Variants in RUNX1T1 observed in about 807,000 individuals in gnomAD.
RUNX1T1 encodes protein CBFA2T1.
RUNX1T1 carries 4 observed loss-of-function variants against 62.8 expected under a neutral mutation model. That is an observed-to-expected ratio of 0.06 (90% CI 0.03 to 0.15). The LOEUF (loss-of-function observed/expected upper bound fraction) is 0.15, where lower values mean the gene tolerates loss of function less well. Ranked by LOEUF, RUNX1T1 falls within the 10% of genes least tolerant of loss-of-function variation. The pLI is 1.00. For synonymous variants in RUNX1T1, 291 were observed against 286.0 expected (o/e 1.02, Z -0.18); for missense variants, 508 against 754.3 (o/e 0.67, Z 3.82).
chr8:92,101,480 C>G (rs1374185610), upstream of RUNX1T1, among the ~76,000 whole-genome samples: 1 of 152,106 alleles, frequency 6.6e-6, no homozygotes, highest in Non-Finnish European at 1.5e-5. Context: ...CTTAAAGCGA[C>G]CTTCTGCAGA....
intron 1 of RUNX1T1, chr8:92,017,698 G>A (rs1823289935): frequency 8.5e-7 from 1 of 1,180,774 alleles, no homozygotes; most frequent in Non-Finnish European, 1.1e-6. Flanking sequence ...GAAAATAGAT[G>A]AGGAAGTGGG....
intron 9 of RUNX1T1, among the ~76,000 whole-genome samples, chr8:91,973,820 C>T (rs535388026): frequency 6.6e-6 from 1 of 152,108 alleles, no homozygotes; most frequent in Non-Finnish European, 1.5e-5. Flanking sequence ...ATGAAACTAT[C>T]ATCCATACTT....
intron 1 of RUNX1T1, among the ~76,000 whole-genome samples, chr8:92,087,247 G>A (rs1489127526): frequency 1.3e-5 from 2 of 152,162 alleles, no homozygotes; most frequent in Non-Finnish European, 2.9e-5. Context: ...GAATTCAGAA[G>A]TTGAAGCTTA....
At chr8:92,058,976 T>G (rs1831474513) in intron 1 of RUNX1T1, among the ~76,000 whole-genome samples, 1 of 152,186 alleles carries the variant, frequency 6.6e-6, no homozygotes, top group African/African-American at 2.4e-5. Context: ...GAAGATGGCC[T>G]GTGAAAGTTT....
In RUNX1T1 at chr8:91,983,029, G is replaced by C. The variant is rs143748500; in HGVS notation, c.1198+3095C>G. On this transcript the variant is annotated intron_variant, in intron 8 of 10. Coordinates refer to ENST00000396218, the Ensembl canonical transcript of RUNX1T1. Reference sequence around the variant, plus strand: ...TGCAACCTCTGCCTCCCAGGTTCAGGTGACTCTCCTGCCTCAGCCTCCCGA... The same window carrying C: ...TGCAACCTCTGCCTCCCAGGTTCAGCTGACTCTCCTGCCTCAGCCTCCCGA... Among the ~76,000 whole-genome samples the C allele has an allele frequency of 7.7e-3, 1,133 of 146,938 alleles. 17 individuals carry two copies. The highest frequency in any genetic ancestry group is 0.027 in the African/African-American group (1,066 of 39,788).
chr8:92,054,125 GAAA>G (rs201817398), intron 1 of RUNX1T1, among the ~76,000 whole-genome samples: 1 of 126,230 alleles, frequency 7.9e-6, no homozygotes. Context: ...TTAGTACCTG[GAAA>G]AAAAAAAAAA....
chr8:92,103,064 G>T, upstream of RUNX1T1: 1 of 514,860 alleles, frequency 1.9e-6, no homozygotes, highest in East Asian at 3.6e-5. Flanking sequence ...GCCGCCCGGC[G>T]CTGCGCAGAG....
At chr8:91,991,955 C>A in intron 5 of RUNX1T1, 66 bp from the exon 7 acceptor site, 1 of 1,523,896 alleles carries the variant, frequency 6.6e-7, no homozygotes, top group Non-Finnish European at 9.0e-7. Context: ...TTCAGTCACT[C>A]ATATTTGAGC....
chr8:92,046,501 C>T (rs111605112), intron 1 of RUNX1T1, among the ~76,000 whole-genome samples: 1 of 152,088 alleles, frequency 6.6e-6, no homozygotes, highest in Admixed American at 6.6e-5. Context: ...GTAACTGGCA[C>T]TACAGGCCTG....
chr8:92,014,754 C>T, exon 3 of RUNX1T1: 2 of 1,613,938 alleles, frequency 1.2e-6, no homozygotes, highest in East Asian at 2.2e-5. Context: ...AGGCCCATTG[C>T]TGAAGCCATT....
At chr8:91,996,035 C>T (rs1563707280) in intron 5 of RUNX1T1, among the ~76,000 whole-genome samples, 2 of 152,108 alleles carry the variant, frequency 1.3e-5, no homozygotes, top group Admixed American at 6.6e-5. Flanking sequence ...TTCTTCATTG[C>T]CCTTTTCAGT....
At chr8:92,095,009 G>C (rs139422348) in intron 1 of RUNX1T1, 3 of 1,523,536 alleles carry the variant, frequency 2.0e-6, no homozygotes, top group Non-Finnish European at 2.6e-6. Flanking sequence ...TTAAAGATAA[G>C]GCCCTCCGGT....
At chr8:91,981,139 A>AAGAGATTATGACCTGCC (rs1815148266) in intron 8 of RUNX1T1, among the ~76,000 whole-genome samples, 1 of 152,200 alleles carries the variant, frequency 6.6e-6, no homozygotes, top group Non-Finnish European at 1.5e-5. Flanking sequence ...CTGAAGCACA[A>AAGAGATTATGACCTGCC]AGAGATTATG....
exon 11 of RUNX1T1, chr8:91,959,455 T>G: frequency 1.5e-5 from 2 of 135,866 alleles, no homozygotes; most frequent in Non-Finnish European, 1.3e-5. Context: ...TGTGTGTGTG[T>G]GTGTGTGTGT....
chr8:91,973,135 G>A (rs1265476850), intron 9 of RUNX1T1, among the ~76,000 whole-genome samples: 1 of 151,886 alleles, frequency 6.6e-6, no homozygotes, highest in Non-Finnish European at 1.5e-5. Context: ...TCTTGATTTG[G>A]TAACTGTACT....
At position 92,017,031 on chromosome 8, in the gene RUNX1T1, G is replaced by A. The variant is rs187854654; in HGVS notation, c.145+195C>T. On this transcript the variant is annotated intron_variant, in intron 2 of 10. Transcript: ENST00000396218. The stretch of plus-strand genomic sequence containing the variant: ...ATGAAAAGGAAGGCAAATATTGGCA[G>A]TCACACAAATTAGACCTAAGCTATG... Among the ~76,000 whole-genome samples, 343 of 152,328 alleles carry A rather than the reference G, an allele frequency of 2.3e-3. 13 individuals are homozygous for A. Among genetic ancestry groups the A allele is most frequent in the Admixed American group, 0.021 (327 of 15,302 alleles).
At chr8:92,086,728 T>C (rs554682507) in intron 1 of RUNX1T1, among the ~76,000 whole-genome samples, 2 of 152,334 alleles carry the variant, frequency 1.3e-5, no homozygotes, top group South Asian at 4.1e-4. Flanking sequence ...GAGCACTTGA[T>C]AGTAAATCCA....
intron 1 of RUNX1T1, among the ~76,000 whole-genome samples, chr8:92,083,876 A>G (rs772209343): frequency 1.3e-5 from 2 of 152,202 alleles, no homozygotes; most frequent in Non-Finnish European, 2.9e-5. Context: ...CAGACCGGAT[A>G]AAGAAAATGT....
At chr8:92,083,688 T>C (rs1835644832) in intron 1 of RUNX1T1, among the ~76,000 whole-genome samples, 1 of 152,206 alleles carries the variant, frequency 6.6e-6, no homozygotes, top group Non-Finnish European at 1.5e-5. Context: ...AAAGACAATG[T>C]GGCAATTCCT....
Sources: gnomAD v4.1 joint callset for allele counts (sites outside exome capture counted in the v4.1 genomes callset) on GRCh38, gnomAD v4.1.1 for gene constraint, MANE v1.5 for transcripts, NCBI Gene and HGNC (gene_info 2026-07-23, HGNC 2026-07-21) for gene names.